Variants in SHISA6 observed in about 807,000 individuals in gnomAD.
The protein encoded by SHISA6 is shisa family member 6.
In SHISA6, 22 loss-of-function variants were observed where a neutral mutation model predicts 47.9. That is an observed-to-expected ratio of 0.46 (90% CI 0.33 to 0.66). The LOEUF (loss-of-function observed/expected upper bound fraction) is 0.66. Ranked by LOEUF, SHISA6 falls within the 30% of genes least tolerant of loss-of-function variation. The pLI, the probability that SHISA6 is intolerant of heterozygous loss-of-function variation, is 0.02. For missense variants in SHISA6, 680 were observed against 764.6 expected (o/e 0.89, Z 1.30); for synonymous variants, 388 against 337.8 (o/e 1.15, Z -1.63).
At chr17:11,330,494 G>GAGAA (rs1396045487) in intron 2 of SHISA6, among the ~76,000 whole-genome samples, 1 of 83,870 alleles carries the variant, frequency 1.2e-5, no homozygotes, top group East Asian at 3.7e-4. Context: ...GCTAGGGAGA[G>GAGAA]AGAGAGAGAG....
intron 3 of SHISA6, among the ~76,000 whole-genome samples, chr17:11,450,739 A>C (rs1258165017): frequency 6.6e-6 from 1 of 152,028 alleles, no homozygotes; most frequent in Non-Finnish European, 1.5e-5. Flanking sequence ...AGAGAAGGAC[A>C]AGACCCAAAA....
At chr17:11,315,039 C>T (rs80050809) in intron 2 of SHISA6, among the ~76,000 whole-genome samples, 2 of 152,112 alleles carry the variant, frequency 1.3e-5, no homozygotes, top group African/African-American at 4.8e-5. Flanking sequence ...GAATGGAATT[C>T]ATAGCTTAAT....
chr17:11,421,912 G>A (rs549891240), intron 3 of SHISA6, among the ~76,000 whole-genome samples: 1 of 152,272 alleles, frequency 6.6e-6, no homozygotes, highest in South Asian at 2.1e-4. Flanking sequence ...AAGCACAGTT[G>A]GTTGCTCAGT....
At chr17:11,511,930 G>A (rs576082716) in intron 3 of SHISA6, among the ~76,000 whole-genome samples, 3 of 152,348 alleles carry the variant, frequency 2.0e-5, no homozygotes, top group Non-Finnish European at 4.4e-5. Context: ...GACCTTGGGC[G>A]TGTGGTACAA....
At chr17:11,422,586 G>A (rs2142282540) in intron 3 of SHISA6, among the ~76,000 whole-genome samples, 1 of 152,208 alleles carries the variant, frequency 6.6e-6, no homozygotes, top group East Asian at 1.9e-4. Flanking sequence ...ATTCATGGTA[G>A]TGTATCTCTA....
rs1597528922 is a variant in SHISA6 at position 11,461,562 on chromosome 17, CAA to C, written c.895+82054_895+82055del. On this transcript the variant is annotated intron_variant, in intron 3 of 5. Transcript: ENST00000441885. ...TACATGGGGAAGCACCAGGATAGGACAAGAGGCAGAGGGAGCAGCAGGAAAAC... is the reference window on the plus strand; with the variant it reads ...TACATGGGGAAGCACCAGGATAGGACGAGGCAGAGGGAGCAGCAGGAAAAC... Among the ~76,000 whole-genome samples the C allele has an allele frequency of 2.6e-5, 4 of 152,240 alleles. No homozygotes were observed. In the East Asian group the frequency reaches 7.7e-4, roughly 29 times the overall value.
At position 11,423,339 on chromosome 17, in the gene SHISA6, ATAGATAGATAG is replaced by A. The variant is rs1207266740; in HGVS notation, c.895+43831_895+43841del. On this transcript the variant is annotated intron_variant, in intron 3 of 5. Coordinates refer to ENST00000441885, the MANE Select transcript of SHISA6 (RefSeq NM_207386.4). Reference sequence around the variant, plus strand: ...CTGTAACATATATATAGATAGATAGATAGATAGATAGATAGATAGATAGATAGATATATGCA... The same window carrying A: ...CTGTAACATATATATAGATAGATAGAATAGATAGATAGATAGATATATGCA... Among the ~76,000 whole-genome samples, 5 of 22,456 alleles carry A rather than the reference ATAGATAGATAG, an allele frequency of 2.2e-4. No individual in the cohort carries two copies. In the East Asian group the frequency reaches 3.1e-3, roughly 14 times the overall value. The allele number at this position is 22,456 out of a possible 152,430, so 14.7% of individuals were successfully genotyped here.
intron 5 of SHISA6, 124 bp from the exon 6 acceptor site, chr17:11,557,630 T>C (rs531480432): frequency 1.1e-6 from 1 of 940,056 alleles, no homozygotes; most frequent in Non-Finnish European, 1.6e-6. Context: ...CTAAAGGAGT[T>C]TGACTGTATT....
chr17:11,249,553 A>T (rs6503364), intron 1 of SHISA6, among the ~76,000 whole-genome samples: 3 of 152,070 alleles, frequency 2.0e-5, no homozygotes, highest in African/African-American at 7.3e-5. Context: ...AATGTGCTTG[A>T]TACTTCCTTT....
At chr17:11,385,980 G>A (rs931139401) in intron 3 of SHISA6, among the ~76,000 whole-genome samples, 8 of 152,118 alleles carry the variant, frequency 5.3e-5, no homozygotes, top group African/African-American at 1.9e-4. Context: ...GAACAGTTTG[G>A]GGGTGGGAGG....
chr17:11,411,446 G>A (rs8081613), intron 3 of SHISA6, among the ~76,000 whole-genome samples: 52,248 of 151,796 alleles, frequency 0.34, 9,388 homozygotes, highest in Non-Finnish European at 0.42. Context: ...GCCCAGGCTG[G>A]AGTGCAGTGG....
At chr17:11,540,219 T>C (rs939101185) in intron 3 of SHISA6, among the ~76,000 whole-genome samples, 2 of 152,200 alleles carry the variant, frequency 1.3e-5, no homozygotes, top group African/African-American at 4.8e-5. Flanking sequence ...GTATCGACTC[T>C]CCACCCTTCT....
chr17:11,300,322 TACTG>T (rs1407640753), intron 2 of SHISA6, among the ~76,000 whole-genome samples: 3 of 152,098 alleles, frequency 2.0e-5, no homozygotes, highest in Non-Finnish European at 4.4e-5. Flanking sequence ...CACTGTGCCG[TACTG>T]ACTTAGGATG....
chr17:11,471,990 T>G (rs1449029825), intron 3 of SHISA6, among the ~76,000 whole-genome samples: 2 of 152,178 alleles, frequency 1.3e-5, no homozygotes, highest in Non-Finnish European at 1.5e-5. Context: ...ACTTTTGGTG[T>G]TGTACATTCT....
chr17:11,420,833 C>G (rs971193458), intron 3 of SHISA6, among the ~76,000 whole-genome samples: 1 of 152,234 alleles, frequency 6.6e-6, no homozygotes, highest in South Asian at 2.1e-4. Context: ...TACCTGCCTA[C>G]ACTCTGGTTA....
intron 3 of SHISA6, among the ~76,000 whole-genome samples, chr17:11,512,734 CAATT>C (rs1377309247): frequency 6.6e-6 from 1 of 152,048 alleles, no homozygotes; most frequent in African/African-American, 2.4e-5. Context: ...TACATCCAAA[CAATT>C]AATATAATTA....
chr17:11,557,801 G>A lies in SHISA6; in HGVS notation c.1153G>A (p.Asp385Asn), dbSNP rs942187387. 14 of 1,551,016 alleles carry A rather than the reference G, an allele frequency of 9.0e-6. No homozygotes were observed. The highest frequency in any genetic ancestry group is 1.4e-5 in the African/African-American group (1 of 73,022). Residue 385 changes from aspartate (D) to asparagine (N), a missense_variant, in exon 6 of 6, where the codon GAC becomes AAC. Asp to Asn is a conservative substitution (Grantham distance 23). This residue lies in a region of SHISA6 where 559 missense variants were observed against 674.1 expected (regional missense o/e 0.83). Transcript: ENST00000441885. ...TTACATGAGACGGCGGCACCTGCCC[G>A]ACCTGGCTGCCCGCGGCACCCTCCC... is the stretch of plus-strand genomic sequence containing the variant. ...EYYMRRRHLP[D>N]LAARGTLPLN...
chr17:11,484,709 T>C (rs568517753), intron 3 of SHISA6, among the ~76,000 whole-genome samples: 1 of 152,242 alleles, frequency 6.6e-6, no homozygotes, highest in South Asian at 2.1e-4. Context: ...TAAAATAGGG[T>C]CTTGTTAATA....
At chr17:11,473,215 A>G (rs972259256) in intron 3 of SHISA6, among the ~76,000 whole-genome samples, 7 of 152,212 alleles carry the variant, frequency 4.6e-5, no homozygotes, top group Non-Finnish European at 8.8e-5. Flanking sequence ...TTTGTATATA[A>G]AAAGTCATTG....
Sources: gnomAD v4.1 joint callset for allele counts (sites outside exome capture counted in the v4.1 genomes callset) on GRCh38, gnomAD v4.1.1 for gene constraint, gnomAD v4.1.1 regional missense constraint, MANE v1.5 for transcripts, NCBI Gene and HGNC (gene_info 2026-07-23, HGNC 2026-07-21) for gene names.